The following PGAP1 variants were observed in gnomAD, a reference collection of about 807,000 sequenced individuals.
PGAP1 encodes GPI inositol-deacylase.
PGAP1 carries 76 observed loss-of-function variants against 127.0 expected under a neutral mutation model. The ratio of observed to expected loss-of-function variants is 0.60; its 90% CI spans 0.50 to 0.72. The LOEUF is 0.72. Ranked by LOEUF, PGAP1 falls within the 30% of genes least tolerant of loss-of-function variation. The pLI is 0.00. For missense variants in PGAP1, 982 were observed against 1,071.3 expected (o/e 0.92, Z 1.16); for synonymous variants, 362 against 366.5 (o/e 0.99, Z 0.14).
At position 196,905,395 on chromosome 2, in the gene PGAP1, G is replaced by T. The variant is rs145954991; in HGVS notation, c.650-2653C>A. On this transcript the variant is annotated intron_variant, in intron 4 of 26. Coordinates refer to ENST00000354764, the MANE Select transcript of PGAP1 (RefSeq NM_024989.4). ...AAATTAAAATGTTTCCTTATTAAAAGACTTCTACAAGCAAAGTTTTAAATG... is the reference window on the plus strand; with the variant it reads ...AAATTAAAATGTTTCCTTATTAAAATACTTCTACAAGCAAAGTTTTAAATG... 2.6e-3 allele frequency among the ~76,000 whole-genome samples: 402 copies of T among 152,146 alleles called. 1 individual carries two copies. Among genetic ancestry groups the T allele is most frequent in the South Asian group, 5.4e-3 (26 of 4,822 alleles).
chr2:196,905,805 G>A (rs1177023542), intron 4 of PGAP1, among the ~76,000 whole-genome samples: 1 of 139,318 alleles, frequency 7.2e-6, no homozygotes, highest in African/African-American at 2.7e-5. Context: ...CAAGGGGTCA[G>A]GGAGTTCCCT....
chr2:196,914,562 A>C (rs1702937653), intron 3 of PGAP1, among the ~76,000 whole-genome samples: 1 of 152,184 alleles, frequency 6.6e-6, no homozygotes, highest in Non-Finnish European at 1.5e-5. Flanking sequence ...AGGAGGTTGC[A>C]GTGAGCTGAG....
chr2:196,839,247 T>C lies in PGAP1; in HGVS notation c.*1987A>G, dbSNP rs896864761. 1.3e-5 allele frequency: 2 copies of C among 152,606 alleles called. No homozygotes were observed. The highest frequency in any genetic ancestry group is 2.4e-5 in the African/African-American group (1 of 41,450). 9.5% of individuals were successfully genotyped at this position (152,606 alleles called of 1,614,324 possible). On this transcript the variant is annotated 3_prime_UTR_variant, in exon 27 of 27. Coordinates refer to ENST00000354764, the MANE Select transcript of PGAP1 (RefSeq NM_024989.4). ...ATGGAACTAAGTCCAAATTCAGAAA[T>C]AGTTTAAGGACACATGTAATCTGTA...
rs762330212 is a variant in PGAP1, at chr2:196,846,998, T to A, written c.2150+5A>T. ...TAAGAAAGCTGTTAATCATTCATTCTTTACCTTTTCAAAGCTAGCCACAAT... is the reference window on the plus strand; with the variant it reads ...TAAGAAAGCTGTTAATCATTCATTCATTACCTTTTCAAAGCTAGCCACAAT... On this transcript the variant is annotated splice_donor_5th_base_variant and intron_variant, in intron 22 of 26. Transcript: ENST00000354764. 12 of 1,608,684 alleles carry A rather than the reference T, an allele frequency of 7.5e-6. No homozygotes were observed. The East Asian group carries it at 2.5e-4, about 33-fold the overall frequency.
At chr2:196,889,482 A>G (rs1340338567) in intron 10 of PGAP1, among the ~76,000 whole-genome samples, 5 of 152,068 alleles carry the variant, frequency 3.3e-5, no homozygotes, top group Non-Finnish European at 5.9e-5. Context: ...AAGAAGGAAC[A>G]GATACAAATA....
At chr2:196,864,216 C>A (rs1016658951) in intron 20 of PGAP1, among the ~76,000 whole-genome samples, 4 of 151,222 alleles carry the variant, frequency 2.6e-5, no homozygotes, top group South Asian at 4.2e-4. Flanking sequence ...ATGGTGAAAC[C>A]CCATCTCTAC....
chr2:196,885,955 C>T (rs1400345749), intron 10 of PGAP1, 75 bp from the exon 11 acceptor site: 1 of 1,020,782 alleles, frequency 9.8e-7, no homozygotes, highest in Non-Finnish European at 1.3e-6. Flanking sequence ...CACCCATTTT[C>T]AACACTTTTT....
chr2:196,870,036 G>A (rs1201779241), intron 19 of PGAP1, among the ~76,000 whole-genome samples: 1 of 152,098 alleles, frequency 6.6e-6, no homozygotes. Context: ...TTTATGTCCA[G>A]GTTGCACAAT....
chr2:196,902,073 G>A (rs1702512199), intron 5 of PGAP1, among the ~76,000 whole-genome samples: 1 of 152,128 alleles, frequency 6.6e-6, no homozygotes, highest in African/African-American at 2.4e-5. Context: ...AGGCTGAGGT[G>A]CAGTGATAAA....
At chr2:196,859,407 T>G (rs79411442) in intron 20 of PGAP1, among the ~76,000 whole-genome samples, 1,537 of 152,236 alleles carry the variant, frequency 0.01, 23 homozygotes, top group African/African-American at 0.035. Context: ...TGGGACCTGA[T>G]GGCTATGCTG....
At chr2:196,913,076 C>G (rs1322395259) in intron 3 of PGAP1, 23 bp from the exon 4 acceptor site, 2 of 1,572,356 alleles carry the variant, frequency 1.3e-6, no homozygotes, top group African/African-American at 2.7e-5. Context: ...ATCACCAGGT[C>G]ATAATTGCGG....
chr2:196,867,533 G>C (rs1176749887), intron 19 of PGAP1, among the ~76,000 whole-genome samples: 1 of 152,134 alleles, frequency 6.6e-6, no homozygotes, highest in African/African-American at 2.4e-5. Flanking sequence ...TAGATGACGG[G>C]TTGATGGGTG....
Position 196,881,571 on chromosome 2 carries a change from C to A in PGAP1, c.1273-1418G>T, listed in dbSNP as rs557336374. Among the ~76,000 whole-genome samples the A allele has an allele frequency of 5.9e-5, 9 of 152,190 alleles. No individual in the cohort carries two copies. The South Asian group carries it at 1.9e-3, about 32-fold the overall frequency. On this transcript the variant is annotated intron_variant, in intron 12 of 26. Transcript: ENST00000354764. Reference sequence around the variant, plus strand: ...TTAATAATAGCCATTCTGACTGGTGCGAGATAGTATCTCACCGTGGTTTTG... The same window carrying A: ...TTAATAATAGCCATTCTGACTGGTGAGAGATAGTATCTCACCGTGGTTTTG...
chr2:196,922,101 A>G, intron 1 of PGAP1: 2 of 1,234,572 alleles, frequency 1.6e-6, no homozygotes, highest in South Asian at 2.9e-5. Context: ...AAGATCAATT[A>G]CCTTTGTATT....
At chr2:196,855,777 T>G (rs1394870615) in intron 20 of PGAP1, among the ~76,000 whole-genome samples, 2 of 152,136 alleles carry the variant, frequency 1.3e-5, no homozygotes, top group Non-Finnish European at 2.9e-5. Flanking sequence ...TTTTTATAAG[T>G]CCAATAAAAA....
chr2:196,887,355 G>A (rs537217871), intron 10 of PGAP1, among the ~76,000 whole-genome samples: 4 of 152,230 alleles, frequency 2.6e-5, no homozygotes, highest in Admixed American at 2.6e-4. Context: ...CTGCACTCCA[G>A]CCTGGGCGAC....
intron 20 of PGAP1, among the ~76,000 whole-genome samples, chr2:196,858,287 A>T (rs1000616965): frequency 5.3e-5 from 8 of 151,944 alleles, no homozygotes; most frequent in African/African-American, 1.7e-4. Context: ...CTGTAGTCCC[A>T]GTTACTCAGG....
intron 5 of PGAP1, among the ~76,000 whole-genome samples, chr2:196,899,568 T>A (rs1356812903): frequency 1.3e-5 from 2 of 152,276 alleles, no homozygotes; most frequent in Non-Finnish European, 2.9e-5. Flanking sequence ...GCTGGTTTAC[T>A]TTCATTCAGT....
At chr2:196,886,125 A>G (rs935990308) in intron 10 of PGAP1, among the ~76,000 whole-genome samples, 2 of 150,914 alleles carry the variant, frequency 1.3e-5, no homozygotes, top group African/African-American at 4.9e-5. Context: ...TGGAGCCAAG[A>G]GTACGAGAAG....
Sources: gnomAD v4.1 joint callset for allele counts (sites outside exome capture counted in the v4.1 genomes callset) on GRCh38, gnomAD v4.1.1 for gene constraint, MANE v1.5 for transcripts, NCBI Gene and HGNC (gene_info 2026-07-23, HGNC 2026-07-21) for gene names.